The following FAXC variants were observed in gnomAD, a reference collection of about 807,000 sequenced individuals.
FAXC encodes the protein failed axon connections homolog.
A neutral mutation model predicts 41.9 loss-of-function variants in FAXC; 10 were observed. The ratio of observed to expected loss-of-function variants is 0.24; its 90% CI spans 0.15 to 0.41. The LOEUF is 0.41. Ranked by LOEUF, FAXC falls within the 10% of genes least tolerant of loss-of-function variation. FAXC has a pLI of 1.00. For missense variants in FAXC, 399 were observed against 510.9 expected, an observed-to-expected ratio of 0.78 and a Z score of 2.11; for synonymous variants, 183 against 183.8, an observed-to-expected ratio of 1.00 and a Z score of 0.03.
rs78584907 is a variant in FAXC, at chr6:99,306,005, C to T, written c.824-14185G>A. ...AAAAAGCAGCCAATGATCAGCGCTA[C>T]GCAGAGAATTAAAGCAAGGTGATGT... On this transcript the variant is annotated intron_variant, in intron 4 of 5. Coordinates refer to ENST00000389677, the MANE Select transcript of FAXC (RefSeq NM_032511.4). 4.5e-3 allele frequency among the ~76,000 whole-genome samples: 684 copies of T among 151,890 alleles called. 7 individuals are homozygous for T. Among genetic ancestry groups the T allele is most frequent in the African/African-American group, 0.015 (610 of 41,418 alleles).
intron 4 of FAXC, among the ~76,000 whole-genome samples, chr6:99,305,216 G>A (rs1771874222): frequency 6.6e-6 from 1 of 152,192 alleles, no homozygotes. Flanking sequence ...ACCACTCTTA[G>A]TGTTAAAAAC....
At chr6:99,339,708 AAAC>A (rs1464617732) in intron 2 of FAXC, among the ~76,000 whole-genome samples, 3 of 152,160 alleles carry the variant, frequency 2.0e-5, no homozygotes, top group Non-Finnish European at 2.9e-5. Context: ...AAAAACAAAC[AAAC>A]AACAACAACA....
Position 99,349,162 on chromosome 6 carries a change from C to G in FAXC, c.211G>C (p.Gly71Arg). The G allele has an allele frequency of 6.2e-7, 1 of 1,613,844 alleles. No individual in the cohort carries two copies. Among genetic ancestry groups the G allele is most frequent in the Non-Finnish European group, 8.5e-7 (1 of 1,180,006 alleles). The stretch of plus-strand genomic sequence containing the variant: ...GCAGCTGCGGCCAGCAAAGCTCCCC[C>G]GGTCAAGTAAAGGGTTTTCTTCCAC... ...PWWKKTLYLT[G>R]GALLAAAAYL... Residue 71 changes from glycine (G) to arginine (R), a missense_variant, in exon 1 of 6, where the codon GGG becomes CGG. Around this residue, in one of 3 missense-constraint regions of FAXC, gnomAD observed 239 missense variants for 352.7 expected, o/e 0.68. Transcript: ENST00000389677.
At position 99,331,348 on chromosome 6, in the gene FAXC, A is replaced by T. The variant is rs184939758; in HGVS notation, c.599+2003T>A. On this transcript the variant is annotated intron_variant, in intron 3 of 5. Transcript: ENST00000389677. The stretch of plus-strand genomic sequence containing the variant: ...GTCCACAAAATTAAGATCTTTTCCC[A>T]CGGGGTACCACTTCCCAACTCTCAC... Among the ~76,000 whole-genome samples, 31 of 152,222 alleles carry T rather than the reference A, an allele frequency of 2.0e-4. No individual in the cohort carries two copies. The East Asian group carries it at 5.8e-3, about 28-fold the overall frequency.
rs560893321 is a variant in FAXC, at chr6:99,324,714, A to G, written c.600-1047T>C. ...GGCAAGAATTTTTTTTATGGCTAAT[A>G]GTGCTGGTAGATAGAAATTCAAAGG... On this transcript the variant is annotated intron_variant, in intron 3 of 5. Coordinates refer to ENST00000389677, the MANE Select transcript of FAXC (RefSeq NM_032511.4). Among the ~76,000 whole-genome samples, 391 of 152,346 alleles carry G rather than the reference A, an allele frequency of 2.6e-3. 1 individual carries two copies. The highest frequency in any genetic ancestry group is 4.1e-3 in the Non-Finnish European group (281 of 68,026).
chr6:99,318,668 T>G (rs1357929103), intron 4 of FAXC, among the ~76,000 whole-genome samples: 1 of 152,236 alleles, frequency 6.6e-6, no homozygotes, highest in Non-Finnish European at 1.5e-5. Flanking sequence ...TATTTAGCAC[T>G]TCCTATGGGT....
intron 1 of FAXC, among the ~76,000 whole-genome samples, chr6:99,343,746 C>T: frequency 6.6e-6 from 1 of 152,060 alleles, no homozygotes; most frequent in South Asian, 2.1e-4. Flanking sequence ...AATTCTGGTC[C>T]CTCTTCCCAA....
At chr6:99,324,218 C>T (rs1466845326) in intron 3 of FAXC, among the ~76,000 whole-genome samples, 2 of 151,350 alleles carry the variant, frequency 1.3e-5, no homozygotes, top group Admixed American at 6.6e-5. Context: ...AGAAAAATTT[C>T]TGAAAGAAAC....
At chr6:99,331,914 G>A (rs1773041001) in intron 3 of FAXC, among the ~76,000 whole-genome samples, 1 of 152,212 alleles carries the variant, frequency 6.6e-6, no homozygotes, top group African/African-American at 2.4e-5. Context: ...CTGGTTCCCT[G>A]TGACTGTGAC....
intron 2 of FAXC, among the ~76,000 whole-genome samples, chr6:99,336,404 A>C (rs1773219553): frequency 6.6e-6 from 1 of 152,152 alleles, no homozygotes; most frequent in African/African-American, 2.4e-5. Flanking sequence ...CCCAGCCAAA[A>C]ATAATACTTT....
chr6:99,312,213 A>G (rs1037966630), intron 4 of FAXC, among the ~76,000 whole-genome samples: 1 of 152,198 alleles, frequency 6.6e-6, no homozygotes, highest in Non-Finnish European at 1.5e-5. Context: ...GGAAACACTC[A>G]AACCAAACCA....
At chr6:99,348,403 A>C (rs991067226) in intron 1 of FAXC, among the ~76,000 whole-genome samples, 5 of 152,136 alleles carry the variant, frequency 3.3e-5, no homozygotes, top group Non-Finnish European at 7.3e-5. Flanking sequence ...GGTATTTCCA[A>C]CTCAATCTTG....
At chr6:99,296,437 C>G (rs923472640) in intron 4 of FAXC, among the ~76,000 whole-genome samples, 3 of 152,094 alleles carry the variant, frequency 2.0e-5, no homozygotes, top group African/African-American at 7.2e-5. Context: ...ATGTGGGCAC[C>G]TGTAACTCCC....
chr6:99,334,640 GCCATCCAT>G (rs1234284935), intron 2 of FAXC: 1 of 971,570 alleles, frequency 1.0e-6, no homozygotes, highest in African/African-American at 1.8e-5. Flanking sequence ...TTCTCTTGAT[GCCATCCAT>G]ATCCTCTTAA....
intron 5 of FAXC, among the ~76,000 whole-genome samples, chr6:99,288,246 CAG>C (rs1491566921): frequency 6.6e-6 from 1 of 152,130 alleles, no homozygotes; most frequent in Non-Finnish European, 1.5e-5. Flanking sequence ...ATGACCACAA[CAG>C]TGTGTGTGTG....
intron 2 of FAXC, among the ~76,000 whole-genome samples, chr6:99,338,126 G>C (rs1309661443): frequency 1.3e-5 from 2 of 151,932 alleles, no homozygotes; most frequent in African/African-American, 4.8e-5. Flanking sequence ...CTAAACCACA[G>C]CACCATTTTT....
chr6:99,319,800 T>A (rs959254226), intron 4 of FAXC, among the ~76,000 whole-genome samples: 46 of 152,226 alleles, frequency 3.0e-4, no homozygotes, highest in African/African-American at 1.0e-3. Context: ...CTAATATTTT[T>A]AAATTATATT....
chr6:99,299,897 C>A (rs1001198190), intron 4 of FAXC, among the ~76,000 whole-genome samples: 1 of 152,058 alleles, frequency 6.6e-6, no homozygotes, highest in African/African-American at 2.4e-5. Context: ...AGCTCACGAT[C>A]GCCAATTAGC....
chr6:99,347,353 G>T (rs926587784), intron 1 of FAXC, among the ~76,000 whole-genome samples: 1 of 150,736 alleles, frequency 6.6e-6, no homozygotes, highest in Non-Finnish European at 1.5e-5. Flanking sequence ...AATGAGCTGA[G>T]ATCGAGCCAC....
Sources: gnomAD v4.1 joint callset for allele counts (sites outside exome capture counted in the v4.1 genomes callset) on GRCh38, gnomAD v4.1.1 for gene constraint, gnomAD v4.1.1 regional missense constraint, MANE v1.5 for transcripts, NCBI Gene and HGNC (gene_info 2026-07-23, HGNC 2026-07-21) for gene names.